The following KCNH1 variants were observed in gnomAD, a reference collection of about 807,000 sequenced individuals.
KCNH1 encodes the protein voltage-gated delayed rectifier potassium channel KCNH1.
Under a neutral mutation model 69.2 loss-of-function variants are expected in KCNH1, and 27 were observed. The ratio of observed to expected loss-of-function variants is 0.39; its 90% CI spans 0.29 to 0.54. The LOEUF is 0.54. Among genes scored for constraint, KCNH1 ranks in the 20% least tolerant of loss-of-function variants. The pLI is 0.68. For synonymous variants in KCNH1, 456 were observed against 487.7 expected (o/e 0.93, Z 0.86); for missense variants, 798 against 1,261.6 (o/e 0.63, Z 5.57).
chr1:210,890,595 G>A (rs1686722576), intron 7 of KCNH1, among the ~76,000 whole-genome samples: 1 of 152,074 alleles, frequency 6.6e-6, no homozygotes, highest in Non-Finnish European at 1.5e-5. Flanking sequence ...ACTATCATCA[G>A]AGTGAACTGG....
At chr1:211,009,541 G>A (rs1248123469) in intron 6 of KCNH1, among the ~76,000 whole-genome samples, 9 of 152,276 alleles carry the variant, frequency 5.9e-5, no homozygotes, top group South Asian at 4.2e-4. Flanking sequence ...AGCAGAGTAC[G>A]TGGGGTGGGT....
intron 6 of KCNH1, among the ~76,000 whole-genome samples, chr1:210,935,823 G>C (rs898763129): frequency 6.6e-6 from 1 of 152,288 alleles, no homozygotes; most frequent in South Asian, 2.1e-4. Context: ...GAGAGAATGC[G>C]TTGGTAAATC....
intron 10 of KCNH1, among the ~76,000 whole-genome samples, chr1:210,745,419 C>T (rs923208871): frequency 5.3e-5 from 8 of 152,122 alleles, no homozygotes; most frequent in African/African-American, 1.2e-4. Flanking sequence ...CTGGTATTTT[C>T]GCATCCAAAA....
rs935211500 is a variant in KCNH1 at position 210,884,801 on chromosome 1, C to T, written c.1462+34839G>A. On this transcript the variant is annotated intron_variant, in intron 7 of 10. Coordinates refer to ENST00000271751, the MANE Select transcript of KCNH1 (RefSeq NM_172362.3). ...GCCAGACATTCATGCCAGTTTGTAC[C>T]GCGATTCCTGAACTGATGGCTTAAC... Among the ~76,000 whole-genome samples the T allele has an allele frequency of 1.1e-4, 16 of 152,168 alleles. No individual in the cohort carries two copies. In the East Asian group the frequency reaches 2.5e-3, roughly 24 times the overall value.
chr1:210,974,754 G>A (rs1688572392), intron 6 of KCNH1, among the ~76,000 whole-genome samples: 1 of 151,804 alleles, frequency 6.6e-6, no homozygotes, highest in Admixed American at 6.6e-5. Flanking sequence ...AGTAAAGACG[G>A]GGTTTCACTG....
chr1:210,748,513 G>C (rs1267764492), intron 10 of KCNH1, among the ~76,000 whole-genome samples: 2 of 152,182 alleles, frequency 1.3e-5, no homozygotes, highest in East Asian at 1.9e-4. Context: ...TTACGGCTGG[G>C]AAATGATAAT....
intron 10 of KCNH1, among the ~76,000 whole-genome samples, chr1:210,714,420 T>C (rs1682167591): frequency 6.6e-6 from 1 of 152,186 alleles, no homozygotes; most frequent in Admixed American, 6.5e-5. Context: ...TACCTGGGGT[T>C]GGGGCCTCTG....
intron 6 of KCNH1, among the ~76,000 whole-genome samples, chr1:210,967,609 T>C (rs547114250): frequency 1.3e-5 from 2 of 152,258 alleles, no homozygotes; most frequent in African/African-American, 2.4e-5. Flanking sequence ...TTTCCTGATA[T>C]ACGGATCTGT....
chr1:210,745,927 G>A lies in KCNH1; in HGVS notation c.2112+29421C>T, dbSNP rs578118504. Among the ~76,000 whole-genome samples, 5 of 152,306 alleles carry A rather than the reference G, an allele frequency of 3.3e-5. No homozygotes were observed. The South Asian group carries it at 8.3e-4, about 25-fold the overall frequency. On this transcript the variant is annotated intron_variant, in intron 10 of 10. Transcript: ENST00000271751. ...AGAAAGGTCACCCTGGCACTAGAGG[G>A]GGGGTGGTGCTTTTACTCACAGAAT...
intron 4 of KCNH1, among the ~76,000 whole-genome samples, chr1:211,086,798 A>G (rs959523944): frequency 6.6e-5 from 10 of 152,214 alleles, no homozygotes; most frequent in Non-Finnish European, 8.8e-5. Flanking sequence ...GTACCAAAAA[A>G]GACAGAGGCC....
intron 7 of KCNH1, among the ~76,000 whole-genome samples, chr1:210,907,754 A>C (rs146002640): frequency 6.6e-4 from 100 of 152,280 alleles, no homozygotes; most frequent in African/African-American, 2.2e-3. Context: ...GGGGGTTCAC[A>C]TAGCAATTGA....
intron 6 of KCNH1, among the ~76,000 whole-genome samples, chr1:211,013,830 G>A (rs1022714417): frequency 9.9e-5 from 13 of 131,516 alleles, no homozygotes; most frequent in South Asian, 2.4e-4. Flanking sequence ...ACAAATTGCC[G>A]TCCTCCCAGT....
At chr1:210,711,625 T>G (rs1682077286) in intron 10 of KCNH1, among the ~76,000 whole-genome samples, 1 of 152,226 alleles carries the variant, frequency 6.6e-6, no homozygotes, top group Non-Finnish European at 1.5e-5. Flanking sequence ...GACTTACCCT[T>G]CACCTTGGTT....
chr1:210,717,553 G>A (rs1294584168), intron 10 of KCNH1, among the ~76,000 whole-genome samples: 1 of 152,186 alleles, frequency 6.6e-6, no homozygotes, highest in Non-Finnish European at 1.5e-5. Flanking sequence ...GATCCAAACG[G>A]CTAGGAACAC....
intron 4 of KCNH1, among the ~76,000 whole-genome samples, chr1:211,087,433 C>T (rs1690973442): frequency 6.6e-6 from 1 of 152,058 alleles, no homozygotes; most frequent in Non-Finnish European, 1.5e-5. Context: ...CTCATTTGCC[C>T]AAACCTGCTG....
rs564702812 is a variant in KCNH1, at chr1:210,921,697, T to C, written c.1033-1628A>G. Among the ~76,000 whole-genome samples the C allele has an allele frequency of 2.0e-5, 3 of 152,286 alleles. No individual in the cohort carries two copies. The South Asian group carries it at 6.2e-4, about 32-fold the overall frequency. ...GCCACGGCAGTTAATAATAAGTGTGTTTTCTCTACATGCTTCTCCTCCCCA... is the reference window on the plus strand; with the variant it reads ...GCCACGGCAGTTAATAATAAGTGTGCTTTCTCTACATGCTTCTCCTCCCCA... On this transcript the variant is annotated intron_variant, in intron 6 of 10. Transcript: ENST00000271751.
intron 10 of KCNH1, among the ~76,000 whole-genome samples, chr1:210,690,718 T>C (rs1681510724): frequency 6.6e-6 from 1 of 152,162 alleles, no homozygotes; most frequent in African/African-American, 2.4e-5. Context: ...GATGAATACA[T>C]GACAGCCCAG....
In KCNH1 at chr1:210,889,263, T is replaced by C. The variant is rs564562716; in HGVS notation, c.1462+30377A>G. 2.6e-5 allele frequency among the ~76,000 whole-genome samples: 4 copies of C among 152,256 alleles called. No homozygotes were observed. In the East Asian group the frequency reaches 5.8e-4, roughly 22 times the overall value. On this transcript the variant is annotated intron_variant, in intron 7 of 10. Coordinates refer to ENST00000271751, the MANE Select transcript of KCNH1 (RefSeq NM_172362.3). ...GGCTGATTCAACATACACAAATAAA[T>C]AAGCATAATCCCTCTCATAAACAGA...
chr1:210,793,963 C>A (rs1684258890), intron 9 of KCNH1, among the ~76,000 whole-genome samples: 1 of 152,156 alleles, frequency 6.6e-6, no homozygotes, highest in African/African-American at 2.4e-5. Flanking sequence ...ACTGCTATAT[C>A]CCCACCCCTA....
Sources: allele counts gnomAD v4.1 joint callset (sites outside exome capture counted in the v4.1 genomes callset), GRCh38; gene constraint gnomAD v4.1.1; transcripts MANE v1.5; gene names NCBI Gene and HGNC (gene_info 2026-07-23, HGNC 2026-07-21).